Variants in RTL4 observed in about 807,000 individuals in gnomAD.
The protein encoded by RTL4 is retrotransposon Gag-like protein 4.
RTL4 carries 4 observed loss-of-function variants against 5.3 expected under a neutral mutation model. That is an observed-to-expected ratio of 0.75 (90% CI 0.37 to 1.72). The LOEUF is 1.72. RTL4 is among the 40% of genes most tolerant of loss of function. RTL4 has a pLI of 0.04. For synonymous variants in RTL4, 98 were observed against 87.3 expected, an observed-to-expected ratio of 1.12 and a Z score of -0.68; for missense variants, 260 against 227.1, an observed-to-expected ratio of 1.14 and a Z score of -0.93.
At chrX:112,301,178 G>T in the RTL4 span, among the ~76,000 whole-genome samples, 1 of 111,905 alleles carries the variant, frequency 8.9e-6, no homozygotes, top group Non-Finnish European at 1.9e-5. Context: ...TATCTGGTTT[G>T]TCAGCTAGTT....
chrX:112,412,323 A>G, the RTL4 span, among the ~76,000 whole-genome samples: 1 of 111,715 alleles, frequency 9.0e-6, no homozygotes, highest in Admixed American at 9.5e-5. Flanking sequence ...TAAAATAACA[A>G]TGATATTCTT....
At chrX:112,419,039 TA>T in the RTL4 span, among the ~76,000 whole-genome samples, 1 of 101,197 alleles carries the variant, frequency 9.9e-6, no homozygotes, top group Non-Finnish European at 2.0e-5. Context: ...AAGATATATA[TA>T]TATATATATA....
At chrX:112,151,000 A>C in the RTL4 span, among the ~76,000 whole-genome samples, 1 of 112,430 alleles carries the variant, frequency 8.9e-6, no homozygotes, top group East Asian at 2.8e-4. Context: ...GCTTCTGAGG[A>C]TCCCTCTTTC....
chrX:112,114,838 G>A, the RTL4 span, among the ~76,000 whole-genome samples: 778 of 111,402 alleles, frequency 7.0e-3, 9 homozygotes, highest in African/African-American at 0.024. Context: ...TGAAAAGAAA[G>A]CTTGGACAGA....
chrX:112,211,795 G>A, the RTL4 span, among the ~76,000 whole-genome samples: 1 of 112,489 alleles, frequency 8.9e-6, no homozygotes, highest in African/African-American at 3.2e-5. Flanking sequence ...TGCTAGACAC[G>A]TTGATAGAAT....
At chrX:112,263,297 G>A in the RTL4 span, among the ~76,000 whole-genome samples, 1 of 110,841 alleles carries the variant, frequency 9.0e-6, no homozygotes, top group Non-Finnish European at 1.9e-5. Context: ...CACCTAGGGG[G>A]CTAAGGTGAG....
chrX:112,235,842 T>C, the RTL4 span, among the ~76,000 whole-genome samples: 1 of 111,281 alleles, frequency 9.0e-6, no homozygotes, highest in Non-Finnish European at 1.9e-5. Flanking sequence ...ATCTGGGAAA[T>C]AGTATCATGA....
the RTL4 span, among the ~76,000 whole-genome samples, chrX:112,355,668 A>G: frequency 7.2e-5 from 8 of 110,988 alleles, no homozygotes; most frequent in African/African-American, 2.6e-4. Context: ...CAGGATGTTT[A>G]GTTTTGTCTG....
chrX:112,374,336 T>G, the RTL4 span, among the ~76,000 whole-genome samples: 2 of 111,538 alleles, frequency 1.8e-5, no homozygotes, highest in African/African-American at 6.5e-5. Flanking sequence ...ATACTCTCTA[T>G]CTGCTCGATT....
At chrX:112,416,547 T>G in the RTL4 span, among the ~76,000 whole-genome samples, 1 of 112,284 alleles carries the variant, frequency 8.9e-6, no homozygotes, top group Admixed American at 9.5e-5. Context: ...ATGTTTTTTC[T>G]ACTTGACCGG....
the RTL4 span, among the ~76,000 whole-genome samples, chrX:112,112,745 C>T: frequency 9.0e-6 from 1 of 111,695 alleles, no homozygotes; most frequent in Non-Finnish European, 1.9e-5. Context: ...GGGCCAGTGC[C>T]TGACCAAACA....
At chrX:112,145,914 A>G in the RTL4 span, among the ~76,000 whole-genome samples, 1 of 112,314 alleles carries the variant, frequency 8.9e-6, no homozygotes, top group Non-Finnish European at 1.9e-5. Flanking sequence ...GCCAAATCAT[A>G]TATGCGCTTG....
chrX:112,309,410 G>A, the RTL4 span, among the ~76,000 whole-genome samples: 4 of 111,110 alleles, frequency 3.6e-5, no homozygotes, highest in African/African-American at 6.6e-5. Flanking sequence ...TCATATTGGA[G>A]GTTAGGGCTT....
At chrX:112,383,705 A>C in the RTL4 span, among the ~76,000 whole-genome samples, 1 of 111,994 alleles carries the variant, frequency 8.9e-6, no homozygotes, top group Non-Finnish European at 1.9e-5. Context: ...ACATGGATGC[A>C]GCTGGAGGCC....
At chrX:112,433,269 A>T in the RTL4 span, among the ~76,000 whole-genome samples, 478 of 107,036 alleles carry the variant, frequency 4.5e-3, 2 homozygotes, top group African/African-American at 0.016. Flanking sequence ...TTCTGTGAAG[A>T]AAGTCATTGG....
the RTL4 span, among the ~76,000 whole-genome samples, chrX:112,319,613 GC>G: frequency 9.0e-6 from 1 of 111,043 alleles, no homozygotes; most frequent in Non-Finnish European, 1.9e-5. Context: ...CATTTCCACC[GC>G]CCCTATAAAT....
the RTL4 span, among the ~76,000 whole-genome samples, chrX:112,217,627 G>A: frequency 8.9e-6 from 1 of 111,766 alleles, no homozygotes; most frequent in Non-Finnish European, 1.9e-5. Flanking sequence ...ATGTGATGAT[G>A]TACATAATAA....
At chrX:112,394,995 A>G in the RTL4 span, among the ~76,000 whole-genome samples, 1 of 112,113 alleles carries the variant, frequency 8.9e-6, no homozygotes, top group Non-Finnish European at 1.9e-5. Context: ...CTCCCCAAAT[A>G]TTAGAAATGT....
At chrX:112,317,707 G>A in the RTL4 span, among the ~76,000 whole-genome samples, 5 of 111,675 alleles carry the variant, frequency 4.5e-5, no homozygotes, top group Non-Finnish European at 7.5e-5. Flanking sequence ...AATGCACCAC[G>A]TATTATATTT....
Sources: allele counts gnomAD v4.1 joint callset (sites outside exome capture counted in the v4.1 genomes callset), GRCh38; gene constraint gnomAD v4.1.1; transcripts MANE v1.5; gene names NCBI Gene and HGNC (gene_info 2026-07-23, HGNC 2026-07-21).